LOC112694756: variants seen among roughly 807,000 people sequenced by gnomAD.
At chr16:30,064,181 C>T in the LOC112694756 span, 1 of 398,152 alleles carries the variant, frequency 2.5e-6, no homozygotes, top group Non-Finnish European at 4.4e-6. Flanking sequence ...GAGTCTGGCC[C>T]TTGAGTACCG....
chr16:30,067,636 C>T, the LOC112694756 span: 1 of 1,614,106 alleles, frequency 6.2e-7, no homozygotes, highest in Non-Finnish European at 8.5e-7. Context: ...GTTATCAAAT[C>T]CAAGGGCGGT....
chr16:30,062,248 AATTG>A, the LOC112694756 span, among the ~76,000 whole-genome samples: 746 of 151,852 alleles, frequency 4.9e-3, 8 homozygotes, highest in African/African-American at 0.017. Context: ...AAAACATTAA[AATTG>A]ATTGGGCGCA....
At chr16:30,063,922 C>T in the LOC112694756 span, 4 of 399,000 alleles carry the variant, frequency 1.0e-5, no homozygotes, top group Non-Finnish European at 1.8e-5. Flanking sequence ...CCTTTCCCCA[C>T]GCCACTGGAA....
At chr16:30,067,776 T>A in the LOC112694756 span, 38 of 1,217,826 alleles carry the variant, frequency 3.1e-5, no homozygotes, top group South Asian at 4.6e-4. Context: ...GCATGGAGCC[T>A]GCTTCAGGCT....
chr16:30,063,611 T>C, the LOC112694756 span: 70 of 398,174 alleles, frequency 1.8e-4, no homozygotes, highest in East Asian at 2.5e-3. Context: ...TGATGGACAG[T>C]ACCCTCTGTT....
chr16:30,067,965 T>C, the LOC112694756 span: 3 of 469,156 alleles, frequency 6.4e-6, no homozygotes, highest in Non-Finnish European at 1.2e-5. Context: ...AACATCCCAG[T>C]GTATCCTGTC....
chr16:30,069,641 C>T, the LOC112694756 span: 43 of 1,613,660 alleles, frequency 2.7e-5, 1 homozygote, highest in South Asian at 1.9e-4. Flanking sequence ...ACCGTCACAG[C>T]GCTGCGCCGC....
chr16:30,059,604 C>T, the LOC112694756 span, among the ~76,000 whole-genome samples: 1 of 151,230 alleles, frequency 6.6e-6, no homozygotes, highest in East Asian at 1.9e-4. Context: ...CCTCTGTTGC[C>T]CAGGCTGGAA....
At chr16:30,061,134 C>T in the LOC112694756 span, among the ~76,000 whole-genome samples, 1 of 152,276 alleles carries the variant, frequency 6.6e-6, no homozygotes, top group African/African-American at 2.4e-5. Flanking sequence ...CCAGCCCATG[C>T]CTAAGGCAGT....
At chr16:30,067,623 C>T in the LOC112694756 span, 1 of 1,614,114 alleles carries the variant, frequency 6.2e-7, no homozygotes, top group Non-Finnish European at 8.5e-7. Flanking sequence ...TCCCTTCCCC[C>T]AAGTTATCAA....
chr16:30,069,420 G>A, the LOC112694756 span: 2 of 1,613,970 alleles, frequency 1.2e-6, no homozygotes, highest in Non-Finnish European at 1.7e-6. Flanking sequence ...CCAGTGCAAG[G>A]TGGCTGGCCG....
the LOC112694756 span, among the ~76,000 whole-genome samples, chr16:30,058,142 G>A: frequency 6.6e-6 from 1 of 152,140 alleles, no homozygotes; most frequent in Admixed American, 6.5e-5. Context: ...CCCACAGAGG[G>A]CTGCAAGAAC....
the LOC112694756 span, chr16:30,068,622 A>G: frequency 6.2e-7 from 1 of 1,613,826 alleles, no homozygotes; most frequent in Non-Finnish European, 8.5e-7. Flanking sequence ...CTGTGTCTTA[A>G]TGTTGTTACC....
At chr16:30,064,028 G>C in the LOC112694756 span, 25 of 398,828 alleles carry the variant, frequency 6.3e-5, no homozygotes, top group East Asian at 8.9e-4. Flanking sequence ...CGGCTGGACG[G>C]CAGCTCCTCT....
the LOC112694756 span, chr16:30,067,687 G>A: frequency 1.2e-6 from 2 of 1,613,308 alleles, no homozygotes; most frequent in South Asian, 1.1e-5. Context: ...CCGGACGTGA[G>A]GTTTGAGATG....
At chr16:30,069,940 C>T in the LOC112694756 span, 16 of 1,613,928 alleles carry the variant, frequency 9.9e-6, no homozygotes, top group South Asian at 2.2e-5. Context: ...CTCCTACGGC[C>T]GAGCCCTGCA....
the LOC112694756 span, chr16:30,067,166 C>A: frequency 6.2e-7 from 1 of 1,604,926 alleles, no homozygotes; most frequent in Admixed American, 1.7e-5. Flanking sequence ...AGGAGAGGGG[C>A]CCTGGTCATC....
chr16:30,058,669 TA>T, the LOC112694756 span, among the ~76,000 whole-genome samples: 1 of 151,912 alleles, frequency 6.6e-6, no homozygotes, highest in African/African-American at 2.4e-5. Context: ...GTATTTTTAG[TA>T]GAGATGGGGT....
At chr16:30,069,575 T>A in the LOC112694756 span, 1 of 1,614,114 alleles carries the variant, frequency 6.2e-7, no homozygotes, top group Non-Finnish European at 8.5e-7. Context: ...CCCAACATGG[T>A]CACCCCAGGC....
Sources: gnomAD v4.1 joint callset for allele counts (sites outside exome capture counted in the v4.1 genomes callset) on GRCh38, gnomAD v4.1.1 for gene constraint, MANE v1.5 for transcripts.